PTAR1: variants seen among roughly 807,000 people sequenced by gnomAD.
PTAR1 encodes protein prenyltransferase alpha subunit repeat containing 1, also known as protein prenyltransferase alpha subunit repeat-containing protein 1.
PTAR1 carries 17 observed loss-of-function variants against 45.5 expected under a neutral mutation model. The ratio of observed to expected loss-of-function variants is 0.37; its 90% confidence interval spans 0.26 to 0.56. The LOEUF (loss-of-function observed/expected upper bound fraction) is 0.56, where lower values mean the gene tolerates loss of function less well. PTAR1 is among the 20% of genes least tolerant of loss of function. The pLI is 0.77. For missense variants in PTAR1, 391 were observed against 476.3 expected (o/e 0.82, Z 1.67); for synonymous variants, 169 against 171.3 (o/e 0.99, Z 0.11).
intron 1 of PTAR1, among the ~76,000 whole-genome samples, chr9:69,758,987 A>C (rs1295755549): frequency 6.6e-6 from 1 of 151,862 alleles, no homozygotes; most frequent in Non-Finnish European, 1.5e-5. Flanking sequence ...CTTCTTCCCT[A>C]CACCTTTGTA....
At chr9:69,755,649 C>G (rs1022733494) in intron 1 of PTAR1, among the ~76,000 whole-genome samples, 2 of 152,004 alleles carry the variant, frequency 1.3e-5, no homozygotes, top group African/African-American at 2.4e-5. Context: ...CTCCCACCCC[C>G]CAAAAGAACT....
intron 2 of PTAR1, among the ~76,000 whole-genome samples, chr9:69,749,000 C>T (rs1826401515): frequency 6.6e-6 from 1 of 152,154 alleles, no homozygotes; most frequent in Admixed American, 6.6e-5. Flanking sequence ...TGCTTTTGTA[C>T]ACATGCACGG....
At position 69,753,017 on chromosome 9, in the gene PTAR1, G is replaced by C. The variant is rs141746958; in HGVS notation, c.87-2067C>G. Among the ~76,000 whole-genome samples, 779 of 152,138 alleles carry C rather than the reference G, an allele frequency of 5.1e-3. 8 individuals are homozygous for C. Among genetic ancestry groups the C allele is most frequent in the African/African-American group, 0.018 (742 of 41,504 alleles). On this transcript the variant is annotated intron_variant, in intron 1 of 7. Transcript: ENST00000340434. ...CAATGTGATTATTTCAGGAAATTCTGTTCTCTGAGATATAATAACCTACTT... is the reference window on the plus strand; with the variant it reads ...CAATGTGATTATTTCAGGAAATTCTCTTCTCTGAGATATAATAACCTACTT...
At chr9:69,732,036 C>T in intron 5 of PTAR1, 103 bp downstream of exon 5, 1 of 754,534 alleles carries the variant, frequency 1.3e-6, no homozygotes, top group African/African-American at 1.8e-5. Context: ...GTTGCCAGAC[C>T]ATCAGTTTCT....
chr9:69,734,157 T>C lies in PTAR1; in HGVS notation c.421A>G (p.Ile141Val). Residue 141 changes from isoleucine (I) to valine (V), a missense_variant, in exon 4 of 8, where the codon ATT (isoleucine) becomes GTT (valine). This residue lies in a region of PTAR1 where 9 missense variants were observed against 27.7 expected (regional missense o/e 0.33). Coordinates refer to ENST00000340434, the MANE Select transcript of PTAR1 (RefSeq NM_001099666.2). ...GTTGTAAATTAACCACACCTGTGAA[T>C]CCATGTTTCTGGACTCTTTGGAAAC... is the stretch of plus-strand genomic sequence containing the variant. The part of the protein sequence containing the change: ...TKFPKSPETW[I>V]HRRWVLQQLI... 3 of 1,551,782 alleles carry C rather than the reference T, an allele frequency of 1.9e-6. No individual in the cohort carries two copies. Among genetic ancestry groups the C allele is most frequent in the Non-Finnish European group, 1.8e-6 (2 of 1,127,124 alleles).
At position 69,723,623 on chromosome 9, in the gene PTAR1, A is replaced by C. The variant is rs1052318040; in HGVS notation, c.650T>G (p.Leu217Arg). 3.1e-6 allele frequency: 5 copies of C among 1,599,176 alleles called. No homozygotes were observed. The highest frequency in any genetic ancestry group is 4.3e-6 in the Non-Finnish European group (5 of 1,171,536). Residue 217 changes from leucine (L) to arginine (R), a missense_variant, in exon 6 of 8, where the codon CTT becomes CGT. Leu to Arg is a moderately radical substitution (Grantham distance 102, BLOSUM62 -2). Transcript: ENST00000340434. Reference sequence around the variant, plus strand: ...ATGTTTAGTAGAAGATAGTTCATCAAGAAGAATCTTTTAAGAAGAAAAAAG... The same window carrying C: ...ATGTTTAGTAGAAGATAGTTCATCACGAAGAATCTTTTAAGAAGAAAAAAG... ...HLAKLDVKIL[L>R]DELSSTKHWA...
intron 2 of PTAR1, among the ~76,000 whole-genome samples, chr9:69,744,311 T>A (rs1287428040): frequency 6.6e-6 from 1 of 151,858 alleles, no homozygotes; most frequent in Non-Finnish European, 1.5e-5. Context: ...TCTTCCCGTC[T>A]CCTAATATTT....
intron 3 of PTAR1, among the ~76,000 whole-genome samples, chr9:69,740,356 C>T (rs7029174): frequency 1.7e-3 from 264 of 151,820 alleles, no homozygotes; most frequent in African/African-American, 6.1e-3. Flanking sequence ...CTATGCTCAA[C>T]GGGCTTATAG....
chr9:69,745,752 C>T (rs575763846), intron 2 of PTAR1, among the ~76,000 whole-genome samples: 2 of 152,248 alleles, frequency 1.3e-5, no homozygotes, highest in African/African-American at 4.8e-5. Context: ...ATGTCCTTCT[C>T]GTATGTAAGA....
chr9:69,750,197 A>G (rs1380236469), intron 2 of PTAR1, among the ~76,000 whole-genome samples: 5 of 151,862 alleles, frequency 3.3e-5, no homozygotes, highest in Admixed American at 3.3e-4. Context: ...AAACTGTCTG[A>G]GAGAAATGGA....
At chr9:69,724,334 G>T (rs1427317789) in intron 5 of PTAR1, among the ~76,000 whole-genome samples, 1 of 152,108 alleles carries the variant, frequency 6.6e-6, no homozygotes, top group Non-Finnish European at 1.5e-5. Flanking sequence ...GCAAACTAAA[G>T]AATTTCAAAT....
intron 3 of PTAR1, 75 bp downstream of exon 3, chr9:69,741,717 C>T: frequency 1.0e-6 from 1 of 966,356 alleles, no homozygotes; most frequent in Non-Finnish European, 1.6e-6. Context: ...TTTTCAAAAG[C>T]TAACAACTTA....
At chr9:69,721,983 G>C (rs962846870) in intron 6 of PTAR1, among the ~76,000 whole-genome samples, 18 of 152,128 alleles carry the variant, frequency 1.2e-4, no homozygotes. Flanking sequence ...TCTGAGGTAT[G>C]CCAGTAGCTT....
rs1824489813 is a variant in PTAR1, at chr9:69,710,658, A to G, written c.*7684T>C. On this transcript the variant is annotated 3_prime_UTR_variant, in exon 8 of 8. Coordinates refer to ENST00000340434, the MANE Select transcript of PTAR1 (RefSeq NM_001099666.2). ...AATATTGAATCCTTAACAAATGTCA[A>G]TTAGTATATGGAGAGAGCTAAAGGA... 6.6e-6 allele frequency: 1 copy of G among 152,170 alleles called. No individual in the cohort carries two copies. 9.4% of individuals were successfully genotyped at this position (152,170 alleles called of 1,614,324 possible).
intron 6 of PTAR1, among the ~76,000 whole-genome samples, chr9:69,721,462 T>C (rs1051615961): frequency 3.3e-5 from 5 of 152,228 alleles, no homozygotes; most frequent in Non-Finnish European, 5.9e-5. Flanking sequence ...CTGTGAACAT[T>C]GTTGAAATGA....
At position 69,717,210 on chromosome 9, in the gene PTAR1, A is replaced by C. The variant is rs929973184; in HGVS notation, c.*1132T>G. ...AACAGTCACTTCATGATAATTTTAT[A>C]GTTTCCATAGTGTATCCTCAATAAT... On this transcript the variant is annotated 3_prime_UTR_variant, in exon 8 of 8. Transcript: ENST00000340434. The C allele has an allele frequency of 2.0e-5, 3 of 152,220 alleles. No individual in the cohort carries two copies. The highest frequency in any genetic ancestry group is 7.2e-5 in the African/African-American group (3 of 41,460). 9.4% of individuals were successfully genotyped at this position (152,220 alleles called of 1,614,324 possible). A position where few individuals can be genotyped will look rare whatever the true frequency, so the allele number is the denominator to read the frequency against.
In PTAR1 at chr9:69,713,974, T is replaced by C. The variant is rs1240622291; in HGVS notation, c.*4368A>G. 1.3e-5 allele frequency: 2 copies of C among 152,152 alleles called. No individual in the cohort carries two copies. The highest frequency in any genetic ancestry group is 2.4e-5 in the African/African-American group (1 of 41,448). 9.4% of individuals were successfully genotyped at this position (152,152 alleles called of 1,614,324 possible). On this transcript the variant is annotated 3_prime_UTR_variant, in exon 8 of 8. Transcript: ENST00000340434. ...ATCCTGTTTTCTTAAACATTAAATATAATCTTGCTCCCAAAAAAGTAAGAA... is the reference window on the plus strand; with the variant it reads ...ATCCTGTTTTCTTAAACATTAAATACAATCTTGCTCCCAAAAAAGTAAGAA...
intron 2 of PTAR1, among the ~76,000 whole-genome samples, chr9:69,745,370 A>C (rs144214598): frequency 6.6e-6 from 1 of 152,310 alleles, no homozygotes; most frequent in African/African-American, 2.4e-5. Flanking sequence ...TACCTAGGTA[A>C]ATTAGCATAG....
chr9:69,723,340 G>C lies in PTAR1; in HGVS notation c.933C>G (p.Thr311=). 1 of 1,613,272 alleles carries C rather than the reference G, an allele frequency of 6.2e-7. No individual in the cohort carries two copies. Among genetic ancestry groups the C allele is most frequent in the Non-Finnish European group, 8.5e-7 (1 of 1,179,492 alleles). The change falls in exon 6 of 8, where the codon ACC becomes ACG. Residue 311 remains threonine (T), a synonymous_variant. Coordinates refer to ENST00000340434, the MANE Select transcript of PTAR1 (RefSeq NM_001099666.2). The part of the protein sequence containing the change: ...DLIDSYPGHE[T]LWCHRRHIFY... The stretch of plus-strand genomic sequence containing the variant: ...CCTTTTCTTACCTATGACACCAAAG[G>C]GTTTCATGTCCTGGGTAGGAATCAA...
Sources: allele counts gnomAD v4.1 joint callset (sites outside exome capture counted in the v4.1 genomes callset), GRCh38; gene constraint gnomAD v4.1.1; regional missense constraint gnomAD v4.1.1; transcripts MANE v1.5; gene names NCBI Gene and HGNC (gene_info 2026-07-23, HGNC 2026-07-21).